The following MGMT variants were observed in gnomAD, a reference collection of about 807,000 sequenced individuals.
MGMT encodes the protein O-6-methylguanine-DNA methyltransferase, also known as methylated-DNA--protein-cysteine methyltransferase.
MGMT carries 14 observed loss-of-function variants against 15.9 expected under a neutral mutation model. The ratio of observed to expected loss-of-function variants is 0.88; its 90% CI spans 0.58 to 1.37. The LOEUF is 1.37. MGMT is among the 40% of genes most tolerant of loss of function. The pLI is 0.00. For synonymous variants in MGMT, 130 were observed against 118.2 expected, an observed-to-expected ratio of 1.10 and a Z score of -0.65; for missense variants, 282 against 268.1, an observed-to-expected ratio of 1.05 and a Z score of -0.36.
chr10:129,723,794 A>G (rs1848402170), intron 3 of MGMT, among the ~76,000 whole-genome samples: 1 of 152,188 alleles, frequency 6.6e-6, no homozygotes, highest in Admixed American at 6.5e-5. Context: ...GCTCGGCATC[A>G]TCAGTCATTA....
intron 3 of MGMT, among the ~76,000 whole-genome samples, chr10:129,724,306 A>G (rs926394648): frequency 6.6e-6 from 1 of 152,170 alleles, no homozygotes; most frequent in Non-Finnish European, 1.5e-5. Context: ...CCTGCCTCTG[A>G]TTATATTTAT....
intron 2 of MGMT, among the ~76,000 whole-genome samples, chr10:129,589,625 A>G (rs1846658512): frequency 6.6e-6 from 1 of 152,216 alleles, no homozygotes; most frequent in Admixed American, 6.5e-5. Flanking sequence ...CTCAAGTCGG[A>G]TATCGGCAGC....
intron 2 of MGMT, chr10:129,701,479 T>G (rs1354214172): frequency 1.3e-5 from 2 of 152,198 alleles, no homozygotes; most frequent in African/African-American, 2.4e-5. Flanking sequence ...CATCGTGTGT[T>G]AATGTCTCTG....
At chr10:129,759,397 G>T in intron 4 of MGMT, 56 bp downstream of exon 4, 1 of 1,610,304 alleles carries the variant, frequency 6.2e-7, no homozygotes, top group African/African-American at 1.3e-5. Flanking sequence ...CAGGTGGCAG[G>T]GTGTCATCTG....
intron 2 of MGMT, among the ~76,000 whole-genome samples, chr10:129,597,485 C>CA (rs534597191): frequency 5.2e-4 from 78 of 149,548 alleles, no homozygotes; most frequent in South Asian, 4.7e-3. Context: ...AATAAAAAAA[C>CA]AAAAAAAAAG....
chr10:129,581,036 A>G (rs747016705), intron 2 of MGMT, among the ~76,000 whole-genome samples: 1 of 152,198 alleles, frequency 6.6e-6, no homozygotes, highest in Non-Finnish European at 1.5e-5. Context: ...TCATAAAGCA[A>G]TGTTAGCACA....
Position 129,533,855 on chromosome 10 carries a change from T to C in MGMT, c.-12-2386T>C, listed in dbSNP as rs372552033. Among the ~76,000 whole-genome samples the C allele has an allele frequency of 4.6e-5, 7 of 151,628 alleles. No individual in the cohort carries two copies. The East Asian group carries it at 5.9e-4, about 13-fold the overall frequency. ...GGGCCAAGATTGTGGCTCTGAGAAA[T>C]GGAGATGGGAGAAGGGGAGGCAGTC... On this transcript the variant is annotated intron_variant, in intron 1 of 4. Coordinates refer to ENST00000651593, the MANE Select transcript of MGMT (RefSeq NM_002412.5). The surrounding 1 kb of genome is among the most constrained non-coding windows in gnomAD (Gnocchi z 4.5).
At chr10:129,665,331 G>A (rs1414903113) in intron 2 of MGMT, among the ~76,000 whole-genome samples, 1 of 148,436 alleles carries the variant, frequency 6.7e-6, no homozygotes, top group African/African-American at 2.5e-5. Flanking sequence ...ACTCAGAAAA[G>A]TGGCTTTACT....
chr10:129,626,675 T>C (rs1847153612), intron 2 of MGMT, among the ~76,000 whole-genome samples: 1 of 152,188 alleles, frequency 6.6e-6, no homozygotes, highest in Admixed American at 6.5e-5. Context: ...GACGACAGGC[T>C]CCGGTTCCAG....
At chr10:129,744,500 G>A (rs1160686482) in intron 3 of MGMT, among the ~76,000 whole-genome samples, 1 of 152,216 alleles carries the variant, frequency 6.6e-6, no homozygotes, top group Non-Finnish European at 1.5e-5. Flanking sequence ...GAAGCTGGGC[G>A]CACCTCCTCC....
chr10:129,472,017 A>G (rs889115573), intron 1 of MGMT, among the ~76,000 whole-genome samples: 2 of 152,238 alleles, frequency 1.3e-5, no homozygotes, highest in Non-Finnish European at 2.9e-5. Context: ...CTTTGGCGTC[A>G]GTTTTACAAA....
At chr10:129,647,242 G>T (rs923968841) in intron 2 of MGMT, among the ~76,000 whole-genome samples, 11 of 151,746 alleles carry the variant, frequency 7.2e-5, no homozygotes, top group South Asian at 4.2e-4. Context: ...AGCGTTACAG[G>T]CAGCTGGGGA....
At chr10:129,761,204 A>C (rs1020683078) in intron 4 of MGMT, among the ~76,000 whole-genome samples, 1 of 152,188 alleles carries the variant, frequency 6.6e-6, no homozygotes, top group Non-Finnish European at 1.5e-5. Flanking sequence ...CTCTTCCTGC[A>C]TCAGTGCAGT....
chr10:129,587,495 TTTTC>T (rs1846631431), intron 2 of MGMT, among the ~76,000 whole-genome samples: 1 of 150,584 alleles, frequency 6.6e-6, no homozygotes, highest in Admixed American at 6.7e-5. Flanking sequence ...TAATTTTTCT[TTTTC>T]TTTTTTTTTG....
chr10:129,616,978 G>T (rs1357154950), intron 2 of MGMT, among the ~76,000 whole-genome samples: 1 of 152,164 alleles, frequency 6.6e-6, no homozygotes. Flanking sequence ...TATGTAACTT[G>T]TTTTTTAGAT....
intron 2 of MGMT, among the ~76,000 whole-genome samples, chr10:129,606,841 A>C (rs1270130257): frequency 6.6e-6 from 1 of 152,244 alleles, no homozygotes; most frequent in African/African-American, 2.4e-5. Context: ...CTGTGAAATG[A>C]TTCCTCATCT....
intron 2 of MGMT, among the ~76,000 whole-genome samples, chr10:129,572,692 A>T (rs1846434072): frequency 6.6e-6 from 1 of 151,922 alleles, no homozygotes; most frequent in Non-Finnish European, 1.5e-5. Context: ...AGTTGTGGTC[A>T]TACGGAAGAA....
intron 1 of MGMT, among the ~76,000 whole-genome samples, chr10:129,507,267 G>T (rs755733718): frequency 6.6e-6 from 1 of 152,198 alleles, no homozygotes; most frequent in Non-Finnish European, 1.5e-5. Context: ...CATGTCCTTG[G>T]GTTTGGCTTC....
intron 2 of MGMT, among the ~76,000 whole-genome samples, chr10:129,693,090 C>G (rs193043624): frequency 2.4e-4 from 36 of 152,314 alleles, no homozygotes; most frequent in African/African-American, 8.7e-4. Flanking sequence ...GGATTTTAAT[C>G]TCTGATGGAT....
Sources: gnomAD v4.1 joint callset for allele counts (sites outside exome capture counted in the v4.1 genomes callset) on GRCh38, gnomAD v4.1.1 for gene constraint, Gnocchi (gnomAD v3.1) non-coding constraint, MANE v1.5 for transcripts, NCBI Gene and HGNC (gene_info 2026-07-23, HGNC 2026-07-21) for gene names.